OPCML: variants seen among roughly 807,000 people sequenced by gnomAD.
OPCML encodes the protein opioid-binding protein/cell adhesion molecule.
A neutral mutation model predicts 37.8 loss-of-function variants in OPCML; 13 were observed. The ratio of observed to expected loss-of-function variants is 0.34; its 90% CI spans 0.22 to 0.55. OPCML has a LOEUF of 0.55. OPCML is among the 20% of genes least tolerant of loss of function. OPCML has a pLI of 0.91. For missense variants in OPCML, 341 were observed against 435.6 expected (o/e 0.78, Z 1.93); for synonymous variants, 176 against 168.8 (o/e 1.04, Z -0.33).
intron 3 of OPCML, among the ~76,000 whole-genome samples, chr11:132,567,935 A>G (rs189784612): frequency 1.6e-4 from 24 of 152,310 alleles, no homozygotes; most frequent in African/African-American, 5.3e-4. Context: ...GAAGCCTGGG[A>G]AAATGGCAAC....
At chr11:133,207,119 TA>T (rs71038525) in intron 1 of OPCML, among the ~76,000 whole-genome samples, 20,454 of 99,648 alleles carry the variant, frequency 0.21, 1,662 homozygotes, top group Middle Eastern at 0.35. Flanking sequence ...AACCCTCTAC[TA>T]AAAAAAAAAA....
At chr11:132,815,578 T>C (rs1196974827) in intron 2 of OPCML, among the ~76,000 whole-genome samples, 1 of 152,108 alleles carries the variant, frequency 6.6e-6, no homozygotes, top group East Asian at 1.9e-4. Flanking sequence ...GTTAGGTTTG[T>C]GTGAGTTGAG....
chr11:132,809,241 G>A (rs1477760059), intron 2 of OPCML, among the ~76,000 whole-genome samples: 2 of 152,168 alleles, frequency 1.3e-5, no homozygotes, highest in Admixed American at 1.3e-4. Context: ...TCATTTCCCT[G>A]GGCCACTATG....
intron 2 of OPCML, among the ~76,000 whole-genome samples, chr11:132,818,754 C>A (rs1311691617): frequency 1.4e-5 from 2 of 147,632 alleles, no homozygotes; most frequent in African/African-American, 5.0e-5. Flanking sequence ...AAAGTCCTTG[C>A]CTGCCAAATC....
chr11:133,272,243 T>C (rs1371903546), intron 1 of OPCML, among the ~76,000 whole-genome samples: 1 of 127,072 alleles, frequency 7.9e-6, no homozygotes, highest in Non-Finnish European at 1.6e-5. Context: ...AGTTGTAGGA[T>C]ATTTGGACTA....
At chr11:132,609,681 T>C (rs1251937176) in intron 3 of OPCML, among the ~76,000 whole-genome samples, 3 of 152,192 alleles carry the variant, frequency 2.0e-5, no homozygotes, top group Non-Finnish European at 4.4e-5. Context: ...TCTCAGTTCC[T>C]TGGGCAAAGT....
At chr11:133,499,800 A>ATG (rs1169720428) in intron 1 of OPCML, among the ~76,000 whole-genome samples, 99 of 140,476 alleles carry the variant, frequency 7.0e-4, no homozygotes, top group African/African-American at 2.2e-3. Context: ...ACATATATAT[A>ATG]TGTGTGTGTA....
At position 133,378,865 on chromosome 11, in the gene OPCML, A is replaced by T. The variant is rs182011363; in HGVS notation, c.61+153399T>A. On this transcript the variant is annotated intron_variant, in intron 1 of 7. Coordinates refer to ENST00000524381, the MANE Select transcript of OPCML (RefSeq NM_001012393.5). ...CTCCTGGAGCCTCAGCCTCCTGAAT[A>T]TGAGCAGCTAGGACAACGAGTGCAC... 2.6e-5 allele frequency among the ~76,000 whole-genome samples: 4 copies of T among 152,168 alleles called. No individual in the cohort carries two copies. In the East Asian group the frequency reaches 7.8e-4, roughly 30 times the overall value.
At chr11:133,017,869 T>C (rs557947738) in intron 1 of OPCML, among the ~76,000 whole-genome samples, 2 of 152,328 alleles carry the variant, frequency 1.3e-5, no homozygotes, top group South Asian at 4.1e-4. Context: ...GTTTTCAATG[T>C]CAGTCTTCAG....
intron 1 of OPCML, among the ~76,000 whole-genome samples, chr11:133,291,567 C>T (rs1942475560): frequency 6.6e-6 from 1 of 152,234 alleles, no homozygotes; most frequent in Non-Finnish European, 1.5e-5. Flanking sequence ...CTGCGCACTG[C>T]ATGCTCTGTT....
intron 7 of OPCML, chr11:132,435,054 TA>T: frequency 1.8e-6 from 1 of 568,630 alleles, no homozygotes; most frequent in Non-Finnish European, 3.0e-6. Flanking sequence ...CTCAGAGACA[TA>T]AATTACAGAG....
intron 2 of OPCML, among the ~76,000 whole-genome samples, chr11:132,666,801 T>C (rs917928299): frequency 5.3e-5 from 8 of 152,182 alleles, no homozygotes; most frequent in Non-Finnish European, 1.2e-4. Context: ...GACAAGGACA[T>C]GGTTGTGTTC....
intron 1 of OPCML, among the ~76,000 whole-genome samples, chr11:133,277,245 G>A (rs929961248): frequency 3.3e-5 from 5 of 152,134 alleles, no homozygotes; most frequent in African/African-American, 7.2e-5. Flanking sequence ...CAGCACAGAT[G>A]CAGTCAATTT....
At chr11:133,356,061 G>A (rs778623487) in intron 1 of OPCML, among the ~76,000 whole-genome samples, 11 of 152,136 alleles carry the variant, frequency 7.2e-5, no homozygotes, top group Admixed American at 2.0e-4. Flanking sequence ...TTGAATTGTA[G>A]AACCAGGCAA....
chr11:132,563,149 C>A (rs181149350), intron 3 of OPCML, among the ~76,000 whole-genome samples: 6 of 152,066 alleles, frequency 3.9e-5, no homozygotes, highest in Admixed American at 1.3e-4. Context: ...TTTAAGCCAT[C>A]GTTAACACCC....
intron 1 of OPCML, among the ~76,000 whole-genome samples, chr11:133,161,323 A>T (rs1950138674): frequency 6.6e-6 from 1 of 152,210 alleles, no homozygotes; most frequent in Non-Finnish European, 1.5e-5. Flanking sequence ...TGGAATTTGG[A>T]GGGAGAGAGC....
chr11:132,983,104 C>T (rs1172261507), intron 1 of OPCML, among the ~76,000 whole-genome samples: 1 of 152,206 alleles, frequency 6.6e-6, no homozygotes, highest in Non-Finnish European at 1.5e-5. Context: ...GGTCTTCCAC[C>T]ACCACAGGGA....
At chr11:132,909,134 G>A (rs755064519) in intron 2 of OPCML, among the ~76,000 whole-genome samples, 13 of 152,180 alleles carry the variant, frequency 8.5e-5, no homozygotes, top group East Asian at 1.9e-4. Flanking sequence ...TTGGGAGGTC[G>A]TCTCCCTTGG....
At chr11:133,245,401 AC>A (rs1258379672) in intron 1 of OPCML, among the ~76,000 whole-genome samples, 1 of 152,178 alleles carries the variant, frequency 6.6e-6, no homozygotes, top group Non-Finnish European at 1.5e-5. Flanking sequence ...TTTATCGCAA[AC>A]CAACTGGCAG....
Sources: gnomAD v4.1 joint callset for allele counts (sites outside exome capture counted in the v4.1 genomes callset) on GRCh38, gnomAD v4.1.1 for gene constraint, MANE v1.5 for transcripts, NCBI Gene and HGNC (gene_info 2026-07-23, HGNC 2026-07-21) for gene names.